RGS7: variants seen among roughly 807,000 people sequenced by gnomAD.
The protein encoded by RGS7 is regulator of G protein signaling 7, also known as regulator of G-protein signaling 7.
In RGS7, 27 loss-of-function variants were observed where a neutral mutation model predicts 81.1. The ratio of observed to expected loss-of-function variants is 0.33; its 90% CI spans 0.25 to 0.46. The LOEUF (loss-of-function observed/expected upper bound fraction) is 0.46. Ranked by LOEUF, RGS7 falls within the 20% of genes least tolerant of loss-of-function variation. The pLI is 1.00. For missense variants in RGS7, 396 were observed against 607.4 expected, an observed-to-expected ratio of 0.65 and a Z score of 3.66; for synonymous variants, 208 against 207.7, an observed-to-expected ratio of 1.00 and a Z score of -0.01.
chr1:240,931,803 G>A (rs993573863), intron 5 of RGS7, among the ~76,000 whole-genome samples: 2 of 152,016 alleles, frequency 1.3e-5, no homozygotes, highest in Non-Finnish European at 2.9e-5. Context: ...ATGTCTGACC[G>A]AGAGAAACTT....
At chr1:240,889,393 T>C (rs1161291077) in intron 6 of RGS7, among the ~76,000 whole-genome samples, 1 of 152,024 alleles carries the variant, frequency 6.6e-6, no homozygotes, top group Non-Finnish European at 1.5e-5. Flanking sequence ...TCAGAAAAAG[T>C]CCAGGAATGG....
At chr1:241,324,284 G>T (rs1017541443) in intron 2 of RGS7, among the ~76,000 whole-genome samples, 2 of 151,644 alleles carry the variant, frequency 1.3e-5, no homozygotes, top group Non-Finnish European at 2.9e-5. Context: ...TTAAACCTTA[G>T]ATGTTTTGCC....
chr1:241,150,527 G>T (rs897943040), intron 2 of RGS7, among the ~76,000 whole-genome samples: 7 of 152,140 alleles, frequency 4.6e-5, no homozygotes, highest in Non-Finnish European at 1.0e-4. Context: ...TTAAAATAAG[G>T]CTTATTTGGA....
chr1:240,922,068 A>C (rs1356790078), intron 6 of RGS7, among the ~76,000 whole-genome samples: 4 of 152,042 alleles, frequency 2.6e-5, no homozygotes, highest in Non-Finnish European at 5.9e-5. Context: ...AAGGAAAAAG[A>C]ATAGAGATTT....
intron 6 of RGS7, among the ~76,000 whole-genome samples, chr1:240,870,484 C>T (rs1344162564): frequency 1.3e-5 from 2 of 151,928 alleles, no homozygotes; most frequent in African/African-American, 4.8e-5. Context: ...GGACTATAGG[C>T]GTGAGCCACC....
intron 4 of RGS7, among the ~76,000 whole-genome samples, chr1:240,957,901 G>A (rs1327834463): frequency 1.3e-5 from 2 of 152,172 alleles, no homozygotes; most frequent in Non-Finnish European, 2.9e-5. Flanking sequence ...GAAGGTCTGT[G>A]CAGCATCTCA....
At chr1:241,170,204 T>C (rs2103253742) in intron 2 of RGS7, among the ~76,000 whole-genome samples, 1 of 152,304 alleles carries the variant, frequency 6.6e-6, no homozygotes, top group Non-Finnish European at 1.5e-5. Flanking sequence ...GTACAATGTG[T>C]TCCAGTCACC....
At chr1:241,010,142 C>A (rs2058885767) in intron 3 of RGS7, among the ~76,000 whole-genome samples, 1 of 152,064 alleles carries the variant, frequency 6.6e-6, no homozygotes, top group South Asian at 2.1e-4. Flanking sequence ...ATGTAACAAA[C>A]CTGCACGTTG....
At chr1:241,238,184 T>A (rs1212067780) in intron 2 of RGS7, among the ~76,000 whole-genome samples, 1 of 151,970 alleles carries the variant, frequency 6.6e-6, no homozygotes, top group Non-Finnish European at 1.5e-5. Flanking sequence ...AGATTGGGAG[T>A]GCCTAGGGCT....
chr1:240,937,847 A>C (rs1017923841), intron 4 of RGS7, among the ~76,000 whole-genome samples: 8 of 152,204 alleles, frequency 5.3e-5, no homozygotes, highest in Admixed American at 2.0e-4. Flanking sequence ...AGCTTTTACT[A>C]TTCTATACAG....
At chr1:241,325,607 A>G (rs565826838) in intron 2 of RGS7, among the ~76,000 whole-genome samples, 1 of 152,304 alleles carries the variant, frequency 6.6e-6, no homozygotes, top group African/African-American at 2.4e-5. Flanking sequence ...GTCTGTTGGC[A>G]AGAGGTTCTC....
chr1:240,942,048 A>C (rs558293933), intron 4 of RGS7, among the ~76,000 whole-genome samples: 1 of 152,232 alleles, frequency 6.6e-6, no homozygotes, highest in Admixed American at 6.5e-5. Context: ...AGAAACAAAA[A>C]TCAATCTCCA....
intron 2 of RGS7, among the ~76,000 whole-genome samples, chr1:241,259,667 A>AAAAAAAAAAAAAAAAATATATATAT: frequency 1.0e-4 from 5 of 49,138 alleles, no homozygotes; most frequent in Non-Finnish European, 1.8e-4. Flanking sequence ...AAAAAAAAAA[A>AAAAAAAAAAAAAAAAATATATATAT]ATATATATAT....
chr1:241,173,563 T>C (rs905246885), intron 2 of RGS7, among the ~76,000 whole-genome samples: 51 of 152,076 alleles, frequency 3.4e-4, no homozygotes, highest in African/African-American at 1.2e-3. Context: ...GGCAGGAGGA[T>C]TACTTGAGCC....
intron 3 of RGS7, among the ~76,000 whole-genome samples, chr1:241,002,699 T>C (rs1359554499): frequency 6.6e-6 from 1 of 152,182 alleles, no homozygotes; most frequent in Non-Finnish European, 1.5e-5. Context: ...GCTTGGCATA[T>C]GATAAGTGGT....
intron 2 of RGS7, among the ~76,000 whole-genome samples, chr1:241,276,244 T>A (rs542809361): frequency 4.1e-4 from 62 of 152,298 alleles, no homozygotes; most frequent in African/African-American, 1.4e-3. Context: ...AGAGGAACCT[T>A]GGGACCTCAT....
At chr1:241,205,943 G>A (rs2073850347) in intron 2 of RGS7, among the ~76,000 whole-genome samples, 1 of 151,924 alleles carries the variant, frequency 6.6e-6, no homozygotes, top group Admixed American at 6.6e-5. Flanking sequence ...GAACTGTGCA[G>A]TTTGTTACTG....
intron 2 of RGS7, among the ~76,000 whole-genome samples, chr1:241,268,713 T>C (rs1256477845): frequency 6.6e-6 from 1 of 152,204 alleles, no homozygotes; most frequent in African/African-American, 2.4e-5. Flanking sequence ...CCCCCAGTCA[T>C]GTGTCATTAT....
chr1:241,073,176 A>G (rs2062580978), intron 3 of RGS7, among the ~76,000 whole-genome samples: 1 of 152,062 alleles, frequency 6.6e-6, no homozygotes, highest in Non-Finnish European at 1.5e-5. Context: ...CTTTATTCCA[A>G]AAAAAACCCC....
Sources: allele counts gnomAD v4.1 joint callset (sites outside exome capture counted in the v4.1 genomes callset), GRCh38; gene constraint gnomAD v4.1.1; transcripts MANE v1.5; gene names NCBI Gene and HGNC (gene_info 2026-07-23, HGNC 2026-07-21).